The following DLEC1 variants were observed in gnomAD, a reference collection of about 807,000 sequenced individuals.
DLEC1 encodes deleted in lung and esophageal cancer protein 1.
A neutral mutation model predicts 198.1 loss-of-function variants in DLEC1; 146 were observed. That is an observed-to-expected ratio of 0.74 (90% CI 0.64 to 0.85). The LOEUF is 0.85. Ranked by LOEUF, DLEC1 falls within the 40% of genes least tolerant of loss-of-function variation. DLEC1 has a pLI of 0.00. For synonymous variants in DLEC1, 897 were observed against 866.8 expected (o/e 1.03, Z -0.61); for missense variants, 2,233 against 2,220.0 (o/e 1.01, Z -0.12).
Position 38,116,533 on chromosome 3 carries a change from C to G in DLEC1, c.3937C>G (p.Pro1313Ala). ...LVELLVFYGP[P>A]FPLRDQAGNE... ...GGAGCTGCTGGTGTTTTATGGGCCA[C>G]CTTTCCCGCTGCGGGACCAAGCCGG... The change falls in exon 28 of 37, where the codon CCT becomes GCT. Residue 1313 changes from proline (P) to alanine (A), a missense_variant. Physicochemically the swap from Pro to Ala is conservative, Grantham distance 27. Coordinates refer to ENST00000308059, the MANE Select transcript of DLEC1 (RefSeq NM_007335.4). 6.2e-7 allele frequency: 1 copy of G among 1,614,130 alleles called. No individual in the cohort carries two copies. Among genetic ancestry groups the G allele is most frequent in the Non-Finnish European group, 8.5e-7 (1 of 1,180,000 alleles).
Position 38,123,987 on chromosome 3 carries a change from G to A in DLEC1, c.*1575G>A, listed in dbSNP as rs1700612033. ...ACACCACTGCACTCCAGCCAGCCTGGACAACGGAGTGAGATTCCATGTCAA... is the reference window on the plus strand; with the variant it reads ...ACACCACTGCACTCCAGCCAGCCTGAACAACGGAGTGAGATTCCATGTCAA... On this transcript the variant is annotated 3_prime_UTR_variant, in exon 37 of 37. Transcript: ENST00000308059. 1.3e-5 allele frequency: 2 copies of A among 149,444 alleles called. No individual in the cohort carries two copies. The highest frequency in any genetic ancestry group is 5.0e-5 in the African/African-American group (2 of 40,360). The allele number at this position is 149,444 out of a possible 1,614,324, so 9.3% of individuals were successfully genotyped here.
chr3:38,056,091 AC>A (rs1696350820), intron 2 of DLEC1, among the ~76,000 whole-genome samples: 7 of 150,704 alleles, frequency 4.6e-5, no homozygotes, highest in African/African-American at 1.7e-4. Flanking sequence ...ACACACACAC[AC>A]ACACACACAC....
chr3:38,079,715 G>A (rs983698117), intron 6 of DLEC1, among the ~76,000 whole-genome samples: 1 of 152,214 alleles, frequency 6.6e-6, no homozygotes, highest in Admixed American at 6.5e-5. Flanking sequence ...CCTTGGCCTG[G>A]TGGTCAGATT....
chr3:38,062,839 G>A (rs2125614592), intron 5 of DLEC1, 38 bp downstream of exon 5: 1 of 1,603,274 alleles, frequency 6.2e-7, no homozygotes, highest in Non-Finnish European at 8.5e-7. Context: ...AGAAAACCTG[G>A]CCCATGAGAG....
At chr3:38,109,810 A>C (rs761385539) in intron 22 of DLEC1, 63 of 729,744 alleles carry the variant, frequency 8.6e-5, no homozygotes, top group Non-Finnish European at 1.0e-4. Context: ...AGGAGATGGC[A>C]GGGGACAGGG....
chr3:38,082,467 C>G (rs1222317095), intron 6 of DLEC1, among the ~76,000 whole-genome samples: 2 of 152,050 alleles, frequency 1.3e-5, no homozygotes, highest in Non-Finnish European at 2.9e-5. Flanking sequence ...CCCTCGGGCC[C>G]CGCGGGGCCC....
In DLEC1 at chr3:38,115,189, G is replaced by A. The variant is rs528073759; in HGVS notation, c.3856+136G>A. On this transcript the variant is annotated intron_variant, in intron 27 of 36. Coordinates refer to ENST00000308059, the MANE Select transcript of DLEC1 (RefSeq NM_007335.4). ...GGTGTCCAGGGGGCCTGTGGTTACG[G>A]AAGTGTGGATGGGCCCACAGATGCC... The A allele has an allele frequency of 3.2e-5, 29 of 892,906 alleles. No homozygotes were observed. In the African/African-American group the frequency reaches 4.7e-4, roughly 14 times the overall value. 55.3% of individuals were successfully genotyped at this position (892,906 alleles called of 1,614,324 possible). A position where few individuals can be genotyped will look rare whatever the true frequency, so the allele number is the denominator to read the frequency against.
intron 1 of DLEC1, among the ~76,000 whole-genome samples, chr3:38,041,003 CTTAT>C (rs112358223): frequency 2.5e-4 from 38 of 150,948 alleles, no homozygotes; most frequent in South Asian, 1.3e-3. Context: ...GTATGCCCAG[CTTAT>C]TTATTTATTT....
Position 38,121,628 on chromosome 3 carries a change from G to T in DLEC1, c.4867G>T (p.Val1623Leu). 6.2e-7 allele frequency: 1 copy of T among 1,613,168 alleles called. No individual in the cohort carries two copies. The highest frequency in any genetic ancestry group is 8.5e-7 in the Non-Finnish European group (1 of 1,179,718). Residue 1623 changes from valine (V) to leucine (L), a missense_variant and splice_region_variant, in exon 35 of 37, where the codon GTG becomes TTG. Coordinates refer to ENST00000308059, the MANE Select transcript of DLEC1 (RefSeq NM_007335.4). ...LLEYTNQTTQ[V>L]VPLRAVVAVP... ...GACAAGGTTGCCTGGTCTCCCACAG[G>T]TGGTGCCCCTGCGGGCTGTGGTGGC...
At chr3:38,069,918 A>T (rs964232323) in intron 6 of DLEC1, among the ~76,000 whole-genome samples, 2 of 152,202 alleles carry the variant, frequency 1.3e-5, no homozygotes, top group Admixed American at 1.3e-4. Flanking sequence ...CTTCATATTT[A>T]TGTCAATTTT....
chr3:38,120,301 G>A, intron 33 of DLEC1, 147 bp from the exon 34 acceptor site: 2 of 854,164 alleles, frequency 2.3e-6, no homozygotes, highest in Non-Finnish European at 1.9e-6. Flanking sequence ...GGCAGCGCTT[G>A]TGGAATGAAA....
At chr3:38,110,019 G>A in intron 22 of DLEC1, 80 bp from the exon 23 acceptor site, 1 of 1,515,328 alleles carries the variant, frequency 6.6e-7, no homozygotes, top group Non-Finnish European at 8.9e-7. Context: ...GCTTCTGCAT[G>A]CCCACCCAAG....
Position 38,109,434 on chromosome 3 carries a change from A to G in DLEC1, c.3132A>G (p.Glu1044=). 2 of 1,614,142 alleles carry G rather than the reference A, an allele frequency of 1.2e-6. No homozygotes were observed. Among genetic ancestry groups the G allele is most frequent in the Non-Finnish European group, 1.7e-6 (2 of 1,179,982 alleles). The part of the protein sequence containing the change: ...LKLELTAHTQ[E]ELTHLALPCH... ...CCCCTGGATGGGCTTTCTTATAGGA[A>G]GAGCTGACCCATCTGGCCCTCCCTT... The change falls in exon 22 of 37, where the codon GAA becomes GAG. Residue 1044 remains glutamate (E), a splice_region_variant and synonymous_variant. Coordinates refer to ENST00000308059, the MANE Select transcript of DLEC1 (RefSeq NM_007335.4).
intron 35 of DLEC1, 110 bp downstream of exon 35, chr3:38,121,891 C>T (rs1317343399): frequency 1.3e-6 from 2 of 1,516,000 alleles, no homozygotes; most frequent in Admixed American, 2.1e-5. Flanking sequence ...GCTCCCAGGG[C>T]AGGCACCACT....
chr3:38,122,601 C>T lies in DLEC1; in HGVS notation c.*189C>T, dbSNP rs758112174. 1.3e-6 allele frequency: 2 copies of T among 1,574,898 alleles called. No individual in the cohort carries two copies. The highest frequency in any genetic ancestry group is 2.3e-5 in the South Asian group (2 of 85,956). ...CCTCATGATATGTCCTCAGAGCTAA[C>T]ATAAAGGACAGGCCACACCACAGCA... On this transcript the variant is annotated 3_prime_UTR_variant, in exon 37 of 37. Coordinates refer to ENST00000308059, the MANE Select transcript of DLEC1 (RefSeq NM_007335.4).
intron 6 of DLEC1, among the ~76,000 whole-genome samples, chr3:38,079,901 T>G (rs182447908): frequency 6.6e-5 from 10 of 152,330 alleles, no homozygotes; most frequent in African/African-American, 2.4e-4. Flanking sequence ...TGAGGCTAAT[T>G]AAGTCCTGTT....
chr3:38,074,487 C>T (rs1272891879), intron 6 of DLEC1, among the ~76,000 whole-genome samples: 3 of 152,232 alleles, frequency 2.0e-5, no homozygotes, highest in African/African-American at 7.2e-5. Flanking sequence ...ATGAACTGGG[C>T]TGGGTTTTCG....
In DLEC1 at chr3:38,114,392, C is replaced by T; in HGVS notation, c.3717C>T (p.Gly1239=). 6.2e-7 allele frequency: 1 copy of T among 1,614,082 alleles called. No individual in the cohort carries two copies. The highest frequency in any genetic ancestry group is 2.2e-5 in the East Asian group (1 of 44,894). ...TCCCAGTGCACATGGCAGCGGTGGGCTGCCCCATCAGCTCCCTGAGGACCA... is the reference window on the plus strand; with the variant it reads ...TCCCAGTGCACATGGCAGCGGTGGGTTGCCCCATCAGCTCCCTGAGGACCA... ...EVIPVHMAAV[G]CPISSLRTTS... Residue 1239 remains glycine, a synonymous_variant, in exon 26 of 37, where the codon GGC becomes GGT. Coordinates refer to ENST00000308059, the MANE Select transcript of DLEC1 (RefSeq NM_007335.4).
rs1699097848 is a variant in DLEC1, at chr3:38,097,633, T to G, written c.2561T>G (p.Phe854Cys). The G allele has an allele frequency of 1.2e-6, 2 of 1,614,124 alleles. No homozygotes were observed. Among genetic ancestry groups the G allele is most frequent in the Admixed American group, 3.3e-5 (2 of 60,028 alleles). ...SPVVLHIEAV[F>C]KGPALIINVS... is the part of the protein sequence containing the mutation. The stretch of plus-strand genomic sequence containing the variant: ...GTGGTGTTACACATTGAGGCTGTCT[T>G]TAAGGTGCTGCAGGTGGAGCTGGGC... Residue 854 changes from phenylalanine to cysteine, a missense_variant, in exon 17 of 37, where the codon TTT (phenylalanine) becomes TGT (cysteine). Phe to Cys is a radical substitution (Grantham distance 205). Coordinates refer to ENST00000308059, the MANE Select transcript of DLEC1 (RefSeq NM_007335.4).
Sources: allele counts gnomAD v4.1 joint callset (sites outside exome capture counted in the v4.1 genomes callset), GRCh38; gene constraint gnomAD v4.1.1; transcripts MANE v1.5; gene names NCBI Gene and HGNC (gene_info 2026-07-23, HGNC 2026-07-21).